The following DSCAM variants were observed in gnomAD, a reference collection of about 807,000 sequenced individuals.
DSCAM encodes cell adhesion molecule DSCAM.
DSCAM carries 47 observed loss-of-function variants against 217.7 expected under a neutral mutation model. The ratio of observed to expected loss-of-function variants is 0.22; its 90% CI spans 0.17 to 0.28. The LOEUF is 0.28. Among genes scored for constraint, DSCAM ranks in the 10% least tolerant of loss-of-function variants. The pLI is 1.00. For synonymous variants in DSCAM, 1,056 were observed against 1,015.3 expected, an observed-to-expected ratio of 1.04 and a Z score of -0.76; for missense variants, 2,080 against 2,618.3, an observed-to-expected ratio of 0.79 and a Z score of 4.49.
intron 3 of DSCAM, among the ~76,000 whole-genome samples, chr21:40,571,932 A>C (rs1202123525): frequency 6.6e-6 from 1 of 152,226 alleles, no homozygotes; most frequent in Admixed American, 6.5e-5. Flanking sequence ...CATTCCAAAG[A>C]AATCCTCATT....
chr21:40,453,932 G>A (rs934552379), intron 3 of DSCAM, among the ~76,000 whole-genome samples: 11 of 152,154 alleles, frequency 7.2e-5, no homozygotes, highest in Admixed American at 2.6e-4. Flanking sequence ...GTCCTTGGCT[G>A]GGCCTATGCC....
chr21:40,378,379 T>C (rs1601598837), intron 3 of DSCAM, among the ~76,000 whole-genome samples: 1 of 152,058 alleles, frequency 6.6e-6, no homozygotes, highest in East Asian at 1.9e-4. Flanking sequence ...GCATGTAAAT[T>C]GGTGAAGCCT....
intron 3 of DSCAM, among the ~76,000 whole-genome samples, chr21:40,579,282 A>AT (rs397785723): frequency 2.6e-5 from 4 of 152,004 alleles, no homozygotes; most frequent in Non-Finnish European, 4.4e-5. Context: ...TCCAAAAAAA[A>AT]ACCTCAATAA....
chr21:40,484,147 A>T (rs574948281), intron 3 of DSCAM, among the ~76,000 whole-genome samples: 4 of 152,230 alleles, frequency 2.6e-5, no homozygotes, highest in Non-Finnish European at 5.9e-5. Flanking sequence ...AACAAAGTCC[A>T]CATCCAAAGA....
intron 3 of DSCAM, among the ~76,000 whole-genome samples, chr21:40,677,206 A>G (rs1311999081): frequency 8.6e-6 from 1 of 116,844 alleles, no homozygotes; most frequent in Non-Finnish European, 1.8e-5. Context: ...CAATGGGCAT[A>G]GGAGGATAAA....
At chr21:40,675,826 C>T (rs961378645) in intron 3 of DSCAM, among the ~76,000 whole-genome samples, 4 of 152,138 alleles carry the variant, frequency 2.6e-5, no homozygotes, top group Admixed American at 6.5e-5. Context: ...TCCCTCGTGC[C>T]GCCTCCTCAA....
At chr21:40,336,198 CT>C (rs1011385623) in intron 8 of DSCAM, among the ~76,000 whole-genome samples, 2 of 152,152 alleles carry the variant, frequency 1.3e-5, no homozygotes, top group African/African-American at 4.8e-5. Flanking sequence ...CGACCAGCTG[CT>C]TTTCTTCATG....
At chr21:40,364,690 GTA>G (rs71186930) in intron 4 of DSCAM, among the ~76,000 whole-genome samples, 75,171 of 143,898 alleles carry the variant, frequency 0.52, 20,092 homozygotes, top group South Asian at 0.64. Flanking sequence ...AAAAAAAAGT[GTA>G]TATATATATA....
At chr21:40,155,579 C>T (rs1487551185) in intron 16 of DSCAM, among the ~76,000 whole-genome samples, 1 of 151,916 alleles carries the variant, frequency 6.6e-6, no homozygotes, top group East Asian at 2.0e-4. Flanking sequence ...TAAACAAGCA[C>T]AAGAGGCAGG....
intron 26 of DSCAM, among the ~76,000 whole-genome samples, chr21:40,077,990 C>A (rs111282047): frequency 6.6e-6 from 1 of 152,214 alleles, no homozygotes; most frequent in Non-Finnish European, 1.5e-5. Context: ...GTCGAGGACT[C>A]GCTCCTTTCA....
intron 10 of DSCAM, among the ~76,000 whole-genome samples, chr21:40,279,801 T>C (rs967917922): frequency 6.6e-6 from 1 of 151,976 alleles, no homozygotes; most frequent in African/African-American, 2.4e-5. Context: ...AGCCATAAAA[T>C]AGATGAAACT....
chr21:40,493,891 T>TAC, intron 3 of DSCAM, among the ~76,000 whole-genome samples: 1 of 145,196 alleles, frequency 6.9e-6, no homozygotes, highest in African/African-American at 2.5e-5. Context: ...TATATACATA[T>TAC]ATATACATAT....
chr21:40,140,086 T>C (rs8134334), intron 18 of DSCAM, among the ~76,000 whole-genome samples: 111,665 of 151,882 alleles, frequency 0.74, 41,200 homozygotes, highest in South Asian at 0.8. Flanking sequence ...ATCCAGCCAG[T>C]CCCGGAGGCT....
chr21:40,572,623 G>C (rs755022255), intron 3 of DSCAM, among the ~76,000 whole-genome samples: 1 of 152,130 alleles, frequency 6.6e-6, no homozygotes, highest in Non-Finnish European at 1.5e-5. Flanking sequence ...ATCTGACCGA[G>C]TACAATTCAA....
chr21:40,441,535 T>C (rs1397290578), intron 3 of DSCAM, among the ~76,000 whole-genome samples: 1 of 152,220 alleles, frequency 6.6e-6, no homozygotes, highest in Non-Finnish European at 1.5e-5. Context: ...TCCCTCACCA[T>C]AAATTTATGA....
At chr21:40,139,116 G>A (rs1049931560) in intron 18 of DSCAM, among the ~76,000 whole-genome samples, 4 of 145,706 alleles carry the variant, frequency 2.7e-5, no homozygotes, top group Admixed American at 6.8e-5. Context: ...TGTGTGGTGT[G>A]TGTATGTGTG....
At chr21:40,189,904 T>C (rs998603291) in intron 11 of DSCAM, among the ~76,000 whole-genome samples, 1 of 152,216 alleles carries the variant, frequency 6.6e-6, no homozygotes, top group Non-Finnish European at 1.5e-5. Context: ...ACTAATACAA[T>C]GATGTTACTG....
chr21:40,569,501 C>T (rs1034716059), intron 3 of DSCAM, among the ~76,000 whole-genome samples: 3 of 152,176 alleles, frequency 2.0e-5, no homozygotes, highest in East Asian at 1.9e-4. Flanking sequence ...CTGTGAACTG[C>T]GGCATCAGCT....
chr21:40,385,297 ATT>A (rs2075072305), intron 3 of DSCAM: 1 of 152,228 alleles, frequency 6.6e-6, no homozygotes, highest in South Asian at 2.1e-4. Flanking sequence ...AATAAAGTAT[ATT>A]TTATGAATGT....
Sources: gnomAD v4.1 joint callset for allele counts (sites outside exome capture counted in the v4.1 genomes callset) on GRCh38, gnomAD v4.1.1 for gene constraint, MANE v1.5 for transcripts, NCBI Gene and HGNC (gene_info 2026-07-23, HGNC 2026-07-21) for gene names.